The following TMEM120B variants were observed in gnomAD, a reference collection of about 807,000 sequenced individuals.
TMEM120B encodes transmembrane protein 120B.
A neutral mutation model predicts 55.5 loss-of-function variants in TMEM120B; 31 were observed. That is an observed-to-expected ratio of 0.56 (90% confidence interval 0.42 to 0.75). The LOEUF (loss-of-function observed/expected upper bound fraction) is 0.75, where lower values mean the gene tolerates loss of function less well. Ranked by LOEUF, TMEM120B falls within the 30% of genes least tolerant of loss-of-function variation. The pLI is 0.00. For missense variants in TMEM120B, 399 were observed against 425.5 expected (o/e 0.94, Z 0.55); for synonymous variants, 203 against 176.3 (o/e 1.15, Z -1.20).
Position 121,779,613 on chromosome 12 carries a change from G to C in TMEM120B, c.*3891G>C. The stretch of plus-strand genomic sequence containing the variant: ...CTCCACATTCTCCCGAAACTTGGCG[G>C]AACATTCCAGGTAGAGAGCAGCTCG... On this transcript the variant is annotated 3_prime_UTR_variant, in exon 12 of 12. Coordinates refer to ENST00000449592, the MANE Select transcript of TMEM120B (RefSeq NM_001080825.2). 6.2e-7 allele frequency: 1 copy of C among 1,614,206 alleles called. No individual in the cohort carries two copies. Among genetic ancestry groups the C allele is most frequent in the Non-Finnish European group, 8.5e-7 (1 of 1,180,032 alleles).
chr12:121,750,432 C>A lies in TMEM120B; in HGVS notation c.358C>A (p.Gln120Lys). The A allele has an allele frequency of 1.2e-6, 2 of 1,612,282 alleles. No homozygotes were observed. The highest frequency in any genetic ancestry group is 1.7e-6 in the Non-Finnish European group (2 of 1,179,116). ...GNVNVTLLSN[Q>K]AKFAYKDEYE... ...TGTGAACGTGACCCTCCTCAGCAAC[C>A]AGGCCAAGTAAGTGTCCCCCACCCA... The change falls in exon 4 of 12, where the codon CAG becomes AAG. Residue 120 changes from glutamine to lysine, a missense_variant. Gln to Lys is a moderately conservative substitution (Grantham distance 53). Transcript: ENST00000449592.
In TMEM120B at chr12:121,758,392, C is replaced by T. The variant is rs549120649; in HGVS notation, c.462-3257C>T. The T allele has an allele frequency of 3.9e-5, 38 of 985,260 alleles. No homozygotes were observed. The East Asian group carries it at 4.5e-4, about 12-fold the overall frequency. The allele number at this position is 985,260 out of a possible 1,614,324, so 61.0% of individuals were successfully genotyped here. On this transcript the variant is annotated intron_variant, in intron 5 of 11. Transcript: ENST00000449592. ...CTTCAAAGCTGGATCGGCCCAGCCC[C>T]GCGCTGTGGTCACCATGGAGGAGGA...
intron 5 of TMEM120B, among the ~76,000 whole-genome samples, chr12:121,760,203 T>C (rs1167541266): frequency 6.7e-6 from 1 of 150,114 alleles, no homozygotes; most frequent in African/African-American, 2.5e-5. Flanking sequence ...CTCGGGAGGC[T>C]GAGGCAGGAG....
intron 7 of TMEM120B, 47 bp from the exon 8 acceptor site, chr12:121,771,441 C>A: frequency 6.5e-7 from 1 of 1,527,518 alleles, no homozygotes; most frequent in Admixed American, 1.7e-5. Flanking sequence ...AGGAATGTCT[C>A]ATTTCATAGT....
chr12:121,751,295 C>T, intron 4 of TMEM120B, among the ~76,000 whole-genome samples: 1 of 120,746 alleles, frequency 8.3e-6, no homozygotes, highest in African/African-American at 3.3e-5. Flanking sequence ...CCTATACCCA[C>T]ACCCCACACC....
intron 6 of TMEM120B, among the ~76,000 whole-genome samples, chr12:121,764,349 C>A (rs552777233): frequency 1.3e-5 from 2 of 152,230 alleles, no homozygotes; most frequent in Non-Finnish European, 2.9e-5. Context: ...GGGGAAACCC[C>A]ATCTCTCCTA....
chr12:121,762,288 G>T (rs1322898823), intron 6 of TMEM120B, among the ~76,000 whole-genome samples: 1 of 145,066 alleles, frequency 6.9e-6, no homozygotes, highest in Non-Finnish European at 1.5e-5. Context: ...AAAAAAAAAA[G>T]AGGTGACCCA....
intron 5 of TMEM120B, among the ~76,000 whole-genome samples, chr12:121,753,280 G>C (rs1873383578): frequency 6.6e-6 from 1 of 152,196 alleles, no homozygotes; most frequent in African/African-American, 2.4e-5. Context: ...ACGGGGAGTA[G>C]GTGAGTGGTG....
intron 1 of TMEM120B, among the ~76,000 whole-genome samples, chr12:121,715,830 TG>T (rs1173562842): frequency 6.6e-6 from 1 of 151,894 alleles, no homozygotes; most frequent in African/African-American, 2.4e-5. Flanking sequence ...GTGGTAAAGT[TG>T]GGGCCATAAT....
intron 8 of TMEM120B, 124 bp from the exon 9 acceptor site, chr12:121,773,297 A>T (rs911906522): frequency 1.4e-5 from 11 of 801,982 alleles, no homozygotes; most frequent in Non-Finnish European, 2.2e-5. Context: ...GAGGGTTGTA[A>T]CCAGGGCACC....
intron 8 of TMEM120B, among the ~76,000 whole-genome samples, chr12:121,772,227 C>G (rs1874088852): frequency 6.6e-6 from 1 of 150,846 alleles, no homozygotes; most frequent in African/African-American, 2.4e-5. Flanking sequence ...CTCCTGGGTT[C>G]AAACGATTCT....
intron 7 of TMEM120B, 90 bp downstream of exon 7, chr12:121,771,062 G>C (rs11608693): frequency 4.3e-6 from 6 of 1,401,502 alleles, no homozygotes; most frequent in Non-Finnish European, 4.0e-6. Flanking sequence ...AGACAGCGGT[G>C]GGGGGTGTGC....
Position 121,779,319 on chromosome 12 carries a change from G to A in TMEM120B, c.*3597G>A. 1 of 663,700 alleles carries A rather than the reference G, an allele frequency of 1.5e-6. No homozygotes were observed. The highest frequency in any genetic ancestry group is 2.5e-6 in the Non-Finnish European group (1 of 396,482). The allele number at this position is 663,700 out of a possible 1,614,324, so 41.1% of individuals were successfully genotyped here. On this transcript the variant is annotated 3_prime_UTR_variant, in exon 12 of 12. Coordinates refer to ENST00000449592, the MANE Select transcript of TMEM120B (RefSeq NM_001080825.2). ...CCATGTCCCAGGGGCAGCCTGGAGGGGAGTTTGTGGTCAGAGCCCCAGCCA... is the reference window on the plus strand; with the variant it reads ...CCATGTCCCAGGGGCAGCCTGGAGGAGAGTTTGTGGTCAGAGCCCCAGCCA...
rs201584920 is a variant in TMEM120B at position 121,750,484 on chromosome 12, CCCCACA to C, written c.365+61_365+66del. 7,244 of 1,516,910 alleles carry C rather than the reference CCCCACA, an allele frequency of 4.8e-3. 197 individuals are homozygous for C. The Admixed American group carries it at 0.055, about 12-fold the overall frequency. The allele number at this position is 1,516,910 out of a possible 1,614,324, so 94.0% of individuals were successfully genotyped here. A position where few individuals can be genotyped will look rare whatever the true frequency, so the allele number is the denominator to read the frequency against. ...CACCCAGACCCACACCTCACACCGC[CCCCACA>C]CCCACACCCACACCCCAAACCCCAC... On this transcript the variant is annotated intron_variant, in intron 4 of 11. Coordinates refer to ENST00000449592, the MANE Select transcript of TMEM120B (RefSeq NM_001080825.2).
intron 1 of TMEM120B, among the ~76,000 whole-genome samples, chr12:121,743,169 A>G (rs1872982563): frequency 2.0e-5 from 3 of 152,100 alleles, no homozygotes; most frequent in African/African-American, 4.8e-5. Context: ...CTTTAAGGAA[A>G]GGGGTATGTG....
intron 1 of TMEM120B, among the ~76,000 whole-genome samples, chr12:121,723,229 G>A (rs1894830834): frequency 1.3e-5 from 2 of 151,992 alleles, no homozygotes; most frequent in South Asian, 4.1e-4. Flanking sequence ...GTGCAGTGGC[G>A]GTATCATAGC....
chr12:121,745,124 C>T (rs1873043164), intron 2 of TMEM120B, among the ~76,000 whole-genome samples: 1 of 152,158 alleles, frequency 6.6e-6, no homozygotes, highest in Admixed American at 6.5e-5. Flanking sequence ...GGTGTGTCCA[C>T]CAAGATCTCT....
chr12:121,773,411 C>A lies in TMEM120B; in HGVS notation c.680-10C>A. 4 of 1,606,566 alleles carry A rather than the reference C, an allele frequency of 2.5e-6. No individual in the cohort carries two copies. The highest frequency in any genetic ancestry group is 3.4e-6 in the Non-Finnish European group (4 of 1,176,540). On this transcript the variant is annotated splice_polypyrimidine_tract_variant and intron_variant, in intron 8 of 11. Coordinates refer to ENST00000449592, the MANE Select transcript of TMEM120B (RefSeq NM_001080825.2). Reference sequence around the variant, plus strand: ...AGGCCCTGAGCCCAGGTGCTGTGCTCCCCCTGCAGGCTGCGTCCAGTTCCT... The same window carrying A: ...AGGCCCTGAGCCCAGGTGCTGTGCTACCCCTGCAGGCTGCGTCCAGTTCCT...
chr12:121,742,602 T>G (rs1872964262), intron 1 of TMEM120B, among the ~76,000 whole-genome samples: 1 of 152,180 alleles, frequency 6.6e-6, no homozygotes, highest in South Asian at 2.1e-4. Context: ...TTTTTATTTT[T>G]TGAGACGGAG....
Sources: allele counts gnomAD v4.1 joint callset (sites outside exome capture counted in the v4.1 genomes callset), GRCh38; gene constraint gnomAD v4.1.1; transcripts MANE v1.5; gene names NCBI Gene and HGNC (gene_info 2026-07-23, HGNC 2026-07-21).